Variants in AP2B1 observed in about 807,000 individuals in gnomAD.
AP2B1 encodes the protein adaptor related protein complex 2 subunit beta 1.
In AP2B1, 23 loss-of-function variants were observed where a neutral mutation model predicts 102.0. That is an observed-to-expected ratio of 0.23 (90% CI 0.16 to 0.32). AP2B1 has a LOEUF of 0.32. Among genes scored for constraint, AP2B1 ranks in the 10% least tolerant of loss-of-function variants. AP2B1 has a pLI of 1.00. For synonymous variants in AP2B1, 381 were observed against 421.2 expected (o/e 0.90, Z 1.17); for missense variants, 541 against 1,157.4 (o/e 0.47, Z 7.73).
intron 16 of AP2B1, among the ~76,000 whole-genome samples, chr17:35,672,342 G>A (rs1410008606): frequency 1.3e-5 from 2 of 152,118 alleles, no homozygotes; most frequent in African/African-American, 4.8e-5. Context: ...CCTTTTTAGA[G>A]TTCCAATTTA....
At chr17:35,686,502 T>A (rs1209770474) in intron 18 of AP2B1, among the ~76,000 whole-genome samples, 2 of 152,196 alleles carry the variant, frequency 1.3e-5, no homozygotes, top group African/African-American at 4.8e-5. Context: ...CGTGTTCATC[T>A]CCAGGGTAAT....
chr17:35,661,038 T>C (rs1287504089), intron 14 of AP2B1, among the ~76,000 whole-genome samples: 1 of 152,158 alleles, frequency 6.6e-6, no homozygotes, highest in African/African-American at 2.4e-5. Flanking sequence ...TCAGGAAGGC[T>C]ATCAACCAGG....
At chr17:35,664,133 A>G (rs967358328) in intron 14 of AP2B1, among the ~76,000 whole-genome samples, 3 of 152,218 alleles carry the variant, frequency 2.0e-5, no homozygotes, top group African/African-American at 4.8e-5. Flanking sequence ...GTAATAAAGC[A>G]GTAGTACTTT....
intron 21 of AP2B1, among the ~76,000 whole-genome samples, chr17:35,720,573 ATTTTTTTTTTT>A (rs1208973388): frequency 1.8e-4 from 5 of 28,062 alleles, no homozygotes; most frequent in African/African-American, 6.8e-4. Context: ...ATATATATAT[ATTTTTTTTTTT>A]TTTTTTTTTT....
In AP2B1 at chr17:35,710,275, G is replaced by A; in HGVS notation, c.2581G>A (p.Glu861Lys). 6.2e-7 allele frequency: 1 copy of A among 1,613,818 alleles called. No individual in the cohort carries two copies. Among genetic ancestry groups the A allele is most frequent in the East Asian group, 2.2e-5 (1 of 44,868 alleles). The stretch of plus-strand genomic sequence containing the variant: ...TGCAACATGGAAGGATATTCCCAAT[G>A]AAAATGAACTTCAGTTTCAGATTAA... ...FLATWKDIPN[E>K]NELQFQIKEC... The change falls in exon 20 of 22, where the codon GAA (glutamate) becomes AAA (lysine). Residue 861 changes from glutamate (E) to lysine (K), a missense_variant. Transcript: ENST00000610402.
chr17:35,715,259 G>A (rs1434327763), intron 20 of AP2B1, among the ~76,000 whole-genome samples: 2 of 152,184 alleles, frequency 1.3e-5, no homozygotes, highest in African/African-American at 4.8e-5. Flanking sequence ...TATTCTTCCT[G>A]GCTGTTTGGC....
chr17:35,640,063 T>C lies in AP2B1; in HGVS notation c.1437+303T>C, dbSNP rs556537126. 3.3e-5 allele frequency among the ~76,000 whole-genome samples: 5 copies of C among 151,774 alleles called. No homozygotes were observed. In the South Asian group the frequency reaches 1.0e-3, roughly 32 times the overall value. On this transcript the variant is annotated intron_variant, in intron 11 of 21. Coordinates refer to ENST00000610402, the MANE Select transcript of AP2B1 (RefSeq NM_001030006.2). ...TCCCAAGTAGCTGGGATTATAGGTG[T>C]GCACCACCACACCTGGCTAATTTTT...
chr17:35,634,970 T>G (rs2074564789), intron 9 of AP2B1, among the ~76,000 whole-genome samples: 1 of 152,110 alleles, frequency 6.6e-6, no homozygotes, highest in Non-Finnish European at 1.5e-5. Context: ...GATGGGTGTG[T>G]GTGTTTCTCT....
intron 12 of AP2B1, among the ~76,000 whole-genome samples, chr17:35,649,349 A>G (rs1448028747): frequency 6.6e-6 from 1 of 151,998 alleles, no homozygotes; most frequent in Non-Finnish European, 1.5e-5. Flanking sequence ...GCTCACTGCA[A>G]CCTCCGCCTC....
intron 20 of AP2B1, among the ~76,000 whole-genome samples, chr17:35,713,093 C>T (rs1021275449): frequency 1.3e-5 from 2 of 152,208 alleles, no homozygotes; most frequent in East Asian, 1.9e-4. Context: ...TATTGCACCT[C>T]GGCATGTTTT....
intron 5 of AP2B1, among the ~76,000 whole-genome samples, chr17:35,614,400 G>C (rs145494796): frequency 2.0e-5 from 3 of 152,010 alleles, no homozygotes; most frequent in Non-Finnish European, 4.4e-5. Context: ...TTGTTGCCCA[G>C]GTTGGTCTCA....
chr17:35,684,479 A>G (rs2075889801), intron 18 of AP2B1, among the ~76,000 whole-genome samples: 1 of 152,236 alleles, frequency 6.6e-6, no homozygotes, highest in African/African-American at 2.4e-5. Flanking sequence ...TCATTTAAAT[A>G]CCAGCACAGC....
At chr17:35,690,806 A>C (rs2076025794) in intron 18 of AP2B1, among the ~76,000 whole-genome samples, 1 of 152,124 alleles carries the variant, frequency 6.6e-6, no homozygotes, top group Non-Finnish European at 1.5e-5. Flanking sequence ...ATTTTCCCTT[A>C]GTTATGGCAG....
intron 20 of AP2B1, among the ~76,000 whole-genome samples, chr17:35,716,156 A>G (rs781819497): frequency 3.9e-5 from 6 of 152,216 alleles, no homozygotes; most frequent in Non-Finnish European, 8.8e-5. Context: ...ACCTTTTCCC[A>G]GAGAGCACAA....
At chr17:35,679,280 C>G (rs980175842) in intron 17 of AP2B1, among the ~76,000 whole-genome samples, 4 of 152,084 alleles carry the variant, frequency 2.6e-5, no homozygotes, top group African/African-American at 7.2e-5. Flanking sequence ...CCTTCAAGCC[C>G]TGTCTTTCAA....
chr17:35,589,752 C>T (rs1597946069), intron 1 of AP2B1, among the ~76,000 whole-genome samples: 1 of 152,166 alleles, frequency 6.6e-6, no homozygotes, highest in Non-Finnish European at 1.5e-5. Flanking sequence ...CTGGTTTGAT[C>T]TGGTAGAAAG....
At chr17:35,652,466 G>A (rs1324590961) in intron 13 of AP2B1, among the ~76,000 whole-genome samples, 1 of 152,180 alleles carries the variant, frequency 6.6e-6, no homozygotes, top group Non-Finnish European at 1.5e-5. Flanking sequence ...CTGGGAAAGA[G>A]AGAAGTGATT....
chr17:35,636,518 G>A (rs1449842502), intron 10 of AP2B1, 62 bp downstream of exon 10: 2 of 1,254,984 alleles, frequency 1.6e-6, no homozygotes, highest in African/African-American at 1.5e-5. Context: ...AAGGCACTTT[G>A]AAATTGCCTA....
At chr17:35,626,575 A>G in intron 6 of AP2B1, 46 bp from the exon 7 acceptor site, 1 of 1,445,388 alleles carries the variant, frequency 6.9e-7, no homozygotes, top group South Asian at 1.2e-5. Context: ...TGAATTCAGC[A>G]AATAAATTAT....
Sources: gnomAD v4.1 joint callset for allele counts (sites outside exome capture counted in the v4.1 genomes callset) on GRCh38, gnomAD v4.1.1 for gene constraint, MANE v1.5 for transcripts, NCBI Gene and HGNC (gene_info 2026-07-23, HGNC 2026-07-21) for gene names.